Variants in CRBN observed in about 807,000 individuals in gnomAD.
The protein encoded by CRBN is protein cereblon.
A neutral mutation model predicts 62.2 loss-of-function variants in CRBN; 53 were observed. The ratio of observed to expected loss-of-function variants is 0.85; its 90% confidence interval spans 0.68 to 1.07. CRBN has a LOEUF of 1.07. Among genes scored for constraint, CRBN ranks in the 50% least tolerant of loss-of-function variants. The pLI is 0.00. For missense variants in CRBN, 616 were observed against 531.1 expected (o/e 1.16, Z -1.57); for synonymous variants, 208 against 176.1 (o/e 1.18, Z -1.43).
intron 5 of CRBN, among the ~76,000 whole-genome samples, chr3:3,157,122 T>C (rs1174276270): frequency 6.6e-6 from 1 of 152,130 alleles, no homozygotes; most frequent in African/African-American, 2.4e-5. Flanking sequence ...CACAAAATTT[T>C]TGAAAGAGAA....
chr3:3,171,358 AAC>A (rs1395798815), intron 4 of CRBN, among the ~76,000 whole-genome samples: 1 of 152,192 alleles, frequency 6.6e-6, no homozygotes, highest in Non-Finnish European at 1.5e-5. Context: ...ACAGTAACAA[AAC>A]AGTTTGCTAA....
Position 3,150,798 on chromosome 3 carries a change from A to ATAAT in CRBN, c.*63_*66dup. On this transcript the variant is annotated 3_prime_UTR_variant, in exon 11 of 11. Transcript: ENST00000231948. ...TTTACTTAGGTATGTATCAGAGGCA[A>ATAAT]TAATTTCCAAAGCAGATCTTAGAAT... 3 of 1,490,536 alleles carry ATAAT rather than the reference A, an allele frequency of 2.0e-6. No individual in the cohort carries two copies. The highest frequency in any genetic ancestry group is 2.8e-6 in the Non-Finnish European group (3 of 1,083,868). The allele number at this position is 1,490,536 out of a possible 1,614,324, so 92.3% of individuals were successfully genotyped here. A position where few individuals can be genotyped will look rare whatever the true frequency, so the allele number is the denominator to read the frequency against.
At position 3,150,841 on chromosome 3, in the gene CRBN, T is replaced by TA. The variant is rs3830315; in HGVS notation, c.*23dup. ...CTTAGAATATAACCAATTTGTTAGATAACTTTATCTCTATCACATCTGTTT... is the reference window on the plus strand; with the variant it reads ...CTTAGAATATAACCAATTTGTTAGATAAACTTTATCTCTATCACATCTGTTT... On this transcript the variant is annotated 3_prime_UTR_variant, in exon 11 of 11. Coordinates refer to ENST00000231948, the MANE Select transcript of CRBN (RefSeq NM_016302.4). 1 of 1,491,232 alleles carries TA rather than the reference T, an allele frequency of 6.7e-7. No individual in the cohort carries two copies. Among genetic ancestry groups the TA allele is most frequent in the South Asian group, 1.1e-5 (1 of 87,290 alleles). 92.4% of individuals were successfully genotyped at this position (1,491,232 alleles called of 1,614,324 possible).
At chr3:3,171,309 A>C (rs1052557530) in intron 4 of CRBN, among the ~76,000 whole-genome samples, 1 of 152,234 alleles carries the variant, frequency 6.6e-6, no homozygotes, top group Non-Finnish European at 1.5e-5. Context: ...TTGTATGAAG[A>C]TAAGAAGTAC....
At position 3,150,117 on chromosome 3, in the gene CRBN, A is replaced by ATCTT. The variant is rs1315451383; in HGVS notation, c.*744_*747dup. ...TCTGGGTGAGGGGACATGTTTTGGC[A>ATCTT]TCTTTTCCCTATAGTAGTAGTTTTG... On this transcript the variant is annotated 3_prime_UTR_variant, in exon 11 of 11. Transcript: ENST00000231948. 6.6e-6 allele frequency: 1 copy of ATCTT among 152,182 alleles called. No individual in the cohort carries two copies. The highest frequency in any genetic ancestry group is 1.9e-4 in the East Asian group (1 of 5,202). 9.4% of individuals were successfully genotyped at this position (152,182 alleles called of 1,614,324 possible). A position where few individuals can be genotyped will look rare whatever the true frequency, so the allele number is the denominator to read the frequency against.
chr3:3,154,996 C>A, intron 6 of CRBN, 165 bp from the exon 7 acceptor site: 1 of 633,242 alleles, frequency 1.6e-6, no homozygotes, highest in Admixed American at 2.5e-5. Context: ...TGATCAAGCT[C>A]CAGCTCCTTT....
At chr3:3,166,720 A>G (rs1174382431) in intron 5 of CRBN, among the ~76,000 whole-genome samples, 2 of 152,156 alleles carry the variant, frequency 1.3e-5, no homozygotes, top group African/African-American at 4.8e-5. Context: ...CCCATTCTGC[A>G]CAAGTTTTCA....
In CRBN at chr3:3,167,754, C is replaced by A; in HGVS notation, c.567G>T (p.Val189=). 1 of 1,613,574 alleles carries A rather than the reference C, an allele frequency of 6.2e-7. No individual in the cohort carries two copies. The highest frequency in any genetic ancestry group is 8.5e-7 in the Non-Finnish European group (1 of 1,179,620). Residue 189 remains valine, a synonymous_variant, in exon 5 of 11, where the codon GTG becomes GTT. Coordinates refer to ENST00000231948, the MANE Select transcript of CRBN (RefSeq NM_016302.4). ...GAACTGCAGACATGGTTGAAGGCAA[C>A]ACACATTCGGGAAGAATTTGCACTT... ...QAKVQILPEC[V]LPSTMSAVQL...
At chr3:3,155,925 G>A (rs1039124680) in intron 6 of CRBN, 5 of 348,230 alleles carry the variant, frequency 1.4e-5, no homozygotes, top group African/African-American at 1.0e-4. Context: ...TTCCACCTCA[G>A]CCTCTCAAGC....
chr3:3,166,435 G>T (rs1222608533), intron 5 of CRBN, among the ~76,000 whole-genome samples: 1 of 152,008 alleles, frequency 6.6e-6, no homozygotes. Context: ...GCTCAGTCTT[G>T]GTTATGTCTT....
At chr3:3,159,108 GC>G (rs1707031819) in intron 5 of CRBN, among the ~76,000 whole-genome samples, 1 of 152,174 alleles carries the variant, frequency 6.6e-6, no homozygotes, top group African/African-American at 2.4e-5. Context: ...CCCTAGCCAT[GC>G]TGAACTGTGA....
Position 3,168,173 on chromosome 3 carries a change from C to A in CRBN, c.528-380G>T, listed in dbSNP as rs900655697. Among the ~76,000 whole-genome samples, 16 of 151,676 alleles carry A rather than the reference C, an allele frequency of 1.1e-4. 1 individual carries two copies. Among genetic ancestry groups the A allele is most frequent in the Non-Finnish European group, 2.4e-4 (16 of 67,968 alleles). Reference sequence around the variant, plus strand: ...TCTTAAGACACCCAAATTCTTCTATCCCCCCACTTCTTATGCTGCTTAACT... The same window carrying A: ...TCTTAAGACACCCAAATTCTTCTATACCCCCACTTCTTATGCTGCTTAACT... On this transcript the variant is annotated intron_variant, in intron 4 of 10. Transcript: ENST00000231948.
intron 5 of CRBN, chr3:3,156,783 C>T (rs978532108): frequency 6.4e-6 from 1 of 156,874 alleles, no homozygotes; most frequent in African/African-American, 2.4e-5. Context: ...GATGAAGTTC[C>T]TCATTTCATA....
intron 10 of CRBN, among the ~76,000 whole-genome samples, chr3:3,152,073 TTTCA>T (rs1208606367): frequency 2.0e-5 from 3 of 152,152 alleles, no homozygotes; most frequent in Admixed American, 6.5e-5. Context: ...CTTTTCTTCC[TTTCA>T]TTCAATGATA....
chr3:3,167,796 AAAAT>A lies in CRBN; in HGVS notation c.528-7_528-4del. 6.2e-7 allele frequency: 1 copy of A among 1,613,230 alleles called. No individual in the cohort carries two copies. Among genetic ancestry groups the A allele is most frequent in the South Asian group, 1.1e-5 (1 of 91,066 alleles). On this transcript the variant is annotated splice_region_variant and splice_polypyrimidine_tract_variant and intron_variant, in intron 4 of 10. Transcript: ENST00000231948. ...TTTGCACTTTAGCTTGCTGGATTCT[AAAAT>A]AAAGAGAACCAAGCATGGTATTCAT...
At chr3:3,169,705 A>T (rs1348591840) in intron 4 of CRBN, among the ~76,000 whole-genome samples, 4 of 152,198 alleles carry the variant, frequency 2.6e-5, no homozygotes, top group African/African-American at 9.6e-5. Flanking sequence ...AAAATGTTTA[A>T]GCTATATATG....
intron 3 of CRBN, 42 bp from the exon 4 acceptor site, chr3:3,172,967 A>G (rs752165777): frequency 1.3e-6 from 2 of 1,515,806 alleles, no homozygotes; most frequent in Admixed American, 3.3e-5. Flanking sequence ...TGAACATTTG[A>G]GTTTTAAATA....
rs115258632 is a variant in CRBN, at chr3:3,156,426, G to A, written c.688-145C>T. ...AAAATTTTGTAGATAATCCCATGAC[G>A]TGACTATCTATGAAGTGTGAAATCA... On this transcript the variant is annotated intron_variant, in intron 5 of 10. Transcript: ENST00000231948. 13 of 675,962 alleles carry A rather than the reference G, an allele frequency of 1.9e-5. No individual in the cohort carries two copies. In the East Asian group the frequency reaches 2.4e-4, roughly 13 times the overall value. 41.9% of individuals were successfully genotyped at this position (675,962 alleles called of 1,614,324 possible).
chr3:3,160,961 A>G (rs561992276), intron 5 of CRBN, among the ~76,000 whole-genome samples: 51 of 152,372 alleles, frequency 3.3e-4, no homozygotes, highest in African/African-American at 1.2e-3. Flanking sequence ...AGTGGAATTT[A>G]TATCAGGATC....
Sources: gnomAD v4.1 joint callset for allele counts (sites outside exome capture counted in the v4.1 genomes callset) on GRCh38, gnomAD v4.1.1 for gene constraint, MANE v1.5 for transcripts, NCBI Gene and HGNC (gene_info 2026-07-23, HGNC 2026-07-21) for gene names.